Variants in XPR1 observed in about 807,000 individuals in gnomAD.
XPR1 encodes solute carrier family 53 member 1.
XPR1 carries 28 observed loss-of-function variants against 87.5 expected under a neutral mutation model. That is an observed-to-expected ratio of 0.32 (90% CI 0.24 to 0.44). XPR1 has a LOEUF of 0.44. XPR1 is among the 20% of genes least tolerant of loss of function. The probability of loss-of-function intolerance (pLI) is 1.00; values close to 1 mark genes in which losing one functional copy is unlikely to be tolerated. For synonymous variants in XPR1, 300 were observed against 306.1 expected (o/e 0.98, Z 0.21); for missense variants, 559 against 862.3 (o/e 0.65, Z 4.41).
rs1026557313 is a variant in XPR1 at position 180,889,655 on chromosome 1, C to G, written c.*5589C>G. The G allele has an allele frequency of 3.3e-5, 5 of 152,228 alleles. No homozygotes were observed. The highest frequency in any genetic ancestry group is 3.3e-4 in the Admixed American group (5 of 15,280). 9.4% of individuals were successfully genotyped at this position (152,228 alleles called of 1,614,324 possible). ...CATTTCAATTACAAAAAGAACAGAA[C>G]TCTTAATCACGTTGTGAAGATTAAT... is the stretch of plus-strand genomic sequence containing the variant. On this transcript the variant is annotated 3_prime_UTR_variant, in exon 15 of 15. Coordinates refer to ENST00000367590, the MANE Select transcript of XPR1 (RefSeq NM_004736.4).
chr1:180,801,147 C>T (rs1003450466), intron 3 of XPR1, among the ~76,000 whole-genome samples: 1 of 152,220 alleles, frequency 6.6e-6, no homozygotes, highest in African/African-American at 2.4e-5. Context: ...CCTTTCTGTT[C>T]CAAGGATCAT....
chr1:180,815,445 C>T (rs3013638), intron 7 of XPR1, among the ~76,000 whole-genome samples: 23 of 151,994 alleles, frequency 1.5e-4, no homozygotes, highest in South Asian at 4.2e-4. Flanking sequence ...TATCTTCCAG[C>T]GGGTGCTTAA....
chr1:180,809,477 G>C (rs968967030), intron 6 of XPR1, among the ~76,000 whole-genome samples: 1 of 152,138 alleles, frequency 6.6e-6, no homozygotes, highest in Non-Finnish European at 1.5e-5. Flanking sequence ...TTGTCAAACT[G>C]CTTGGAAATA....
chr1:180,667,948 G>A (rs897138691), intron 1 of XPR1, among the ~76,000 whole-genome samples: 1 of 151,754 alleles, frequency 6.6e-6, no homozygotes, highest in Non-Finnish European at 1.5e-5. Context: ...TTTCATTTCT[G>A]ATTTTAGCAA....
intron 1 of XPR1, among the ~76,000 whole-genome samples, chr1:180,639,834 A>G (rs1231829284): frequency 1.3e-5 from 2 of 152,204 alleles, no homozygotes; most frequent in Non-Finnish European, 2.9e-5. Context: ...CTTATCAAAC[A>G]TGGAAGAGGA....
At chr1:180,696,490 A>T (rs1408793004) in intron 2 of XPR1, among the ~76,000 whole-genome samples, 1 of 152,006 alleles carries the variant, frequency 6.6e-6, no homozygotes, top group African/African-American at 2.4e-5. Context: ...TCTGGCTAGG[A>T]ATTTCAGTAC....
At chr1:180,849,336 C>CT (rs1184817183) in intron 11 of XPR1, among the ~76,000 whole-genome samples, 2 of 152,116 alleles carry the variant, frequency 1.3e-5, no homozygotes, top group Non-Finnish European at 2.9e-5. Flanking sequence ...AGATTCATTC[C>CT]TTTTTTTAAC....
intron 2 of XPR1, among the ~76,000 whole-genome samples, chr1:180,690,842 C>A (rs908997593): frequency 2.6e-5 from 4 of 151,004 alleles, no homozygotes; most frequent in Non-Finnish European, 4.4e-5. Context: ...AAAGTGAATC[C>A]TTTTCCTCAA....
intron 1 of XPR1, among the ~76,000 whole-genome samples, chr1:180,641,492 G>A (rs529106239): frequency 2.6e-5 from 4 of 152,228 alleles, no homozygotes; most frequent in Admixed American, 1.3e-4. Flanking sequence ...AAGAAAACCA[G>A]GTGAGAACAA....
chr1:180,698,643 T>A (rs1300467156), intron 2 of XPR1, among the ~76,000 whole-genome samples: 1 of 152,222 alleles, frequency 6.6e-6, no homozygotes, highest in East Asian at 1.9e-4. Flanking sequence ...GTAGATATTA[T>A]TCTTTAGCTT....
At chr1:180,841,107 A>G (rs1571886930) in intron 11 of XPR1, among the ~76,000 whole-genome samples, 1 of 152,118 alleles carries the variant, frequency 6.6e-6, no homozygotes, top group Non-Finnish European at 1.5e-5. Context: ...GTTTGTTTTT[A>G]CCACAGTTTT....
chr1:180,671,153 C>T (rs1333939641), intron 1 of XPR1, among the ~76,000 whole-genome samples: 1 of 152,030 alleles, frequency 6.6e-6, no homozygotes, highest in African/African-American at 2.4e-5. Flanking sequence ...TAGATTGGAC[C>T]ATTCTTTGTG....
At chr1:180,758,911 ACTGT>A (rs1304801458) in intron 2 of XPR1, 1 of 152,334 alleles carries the variant, frequency 6.6e-6, no homozygotes, top group African/African-American at 2.4e-5. Context: ...ATTATAACAA[ACTGT>A]CTCTCAGACC....
At chr1:180,670,378 G>T (rs575404149) in intron 1 of XPR1, among the ~76,000 whole-genome samples, 1 of 151,962 alleles carries the variant, frequency 6.6e-6, no homozygotes, top group East Asian at 1.9e-4. Flanking sequence ...CTTTTGTGTG[G>T]ACTATAAATA....
intron 2 of XPR1, among the ~76,000 whole-genome samples, chr1:180,757,870 A>AGG (rs1491406275): frequency 1.3e-3 from 14 of 10,916 alleles, no homozygotes; most frequent in Non-Finnish European, 2.8e-3. Flanking sequence ...TTGAAAATGT[A>AGG]AAAAAAAAAA....
chr1:180,816,294 C>A (rs1650409012), intron 7 of XPR1, among the ~76,000 whole-genome samples: 1 of 152,194 alleles, frequency 6.6e-6, no homozygotes. Flanking sequence ...ATGCGCAGCT[C>A]ACAATAGGGT....
chr1:180,831,166 C>T (rs1320635740), intron 9 of XPR1, among the ~76,000 whole-genome samples: 2 of 152,108 alleles, frequency 1.3e-5, no homozygotes, highest in Non-Finnish European at 2.9e-5. Context: ...ACCATCCTTT[C>T]CTACTTATCC....
At position 180,858,535 on chromosome 1, in the gene XPR1, AC is replaced by A. The variant is rs201852532; in HGVS notation, c.1502-5172del. On this transcript the variant is annotated intron_variant, in intron 11 of 14. Coordinates refer to ENST00000367590, the MANE Select transcript of XPR1 (RefSeq NM_004736.4). Reference sequence around the variant, plus strand: ...ACTTAGAGAAGCAATGCTGTCTAGTACAAAATGTTCCTTAGATGAGGATTCC... The same window carrying A: ...ACTTAGAGAAGCAATGCTGTCTAGTAAAAATGTTCCTTAGATGAGGATTCC... 1.4e-3 allele frequency among the ~76,000 whole-genome samples: 217 copies of A among 152,354 alleles called. 5 individuals are homozygous for A. The East Asian group carries it at 0.04, about 28-fold the overall frequency.
chr1:180,840,140 G>A (rs1010954155), intron 11 of XPR1, among the ~76,000 whole-genome samples: 14 of 150,532 alleles, frequency 9.3e-5, no homozygotes, highest in Admixed American at 7.3e-4. Context: ...GGAGAATGGC[G>A]TGAACCCGGG....
Sources: allele counts gnomAD v4.1 joint callset (sites outside exome capture counted in the v4.1 genomes callset), GRCh38; gene constraint gnomAD v4.1.1; transcripts MANE v1.5; gene names NCBI Gene and HGNC (gene_info 2026-07-23, HGNC 2026-07-21).